SPHKAP: variants seen among roughly 807,000 people sequenced by gnomAD.
The protein encoded by SPHKAP is A-kinase anchor protein SPHKAP.
Under a neutral mutation model 137.5 loss-of-function variants are expected in SPHKAP, and 67 were observed. The observed-to-expected ratio is 0.49, with a 90% CI of 0.40 to 0.60. The LOEUF is 0.60. Among genes scored for constraint, SPHKAP ranks in the 20% least tolerant of loss-of-function variants. The pLI, the probability that SPHKAP is intolerant of heterozygous loss-of-function variation, is 0.00. For synonymous variants in SPHKAP, 813 were observed against 785.3 expected (o/e 1.04, Z -0.59); for missense variants, 2,097 against 2,069.3 (o/e 1.01, Z -0.26).
chr2:228,082,427 G>A (rs1697392338), intron 3 of SPHKAP, among the ~76,000 whole-genome samples: 1 of 146,564 alleles, frequency 6.8e-6, no homozygotes, highest in South Asian at 2.3e-4. Flanking sequence ...AAAGTACTTT[G>A]TAAACTAAAG....
At chr2:228,114,483 C>T (rs1244645086) in intron 2 of SPHKAP, among the ~76,000 whole-genome samples, 1 of 152,036 alleles carries the variant, frequency 6.6e-6, no homozygotes, top group African/African-American at 2.4e-5. Context: ...CCATTTCATC[C>T]TACTGAATGA....
intron 7 of SPHKAP, among the ~76,000 whole-genome samples, chr2:228,012,100 T>A (rs1485464006): frequency 7.3e-6 from 1 of 136,762 alleles, no homozygotes; most frequent in Non-Finnish European, 1.5e-5. Flanking sequence ...CCCTGGAGGT[T>A]GGGGCTGCGG....
chr2:228,132,126 C>G (rs1263911800), intron 1 of SPHKAP, 41 bp from the exon 2 acceptor site: 1 of 1,469,502 alleles, frequency 6.8e-7, no homozygotes, highest in Non-Finnish European at 9.5e-7. Context: ...TCCAGTGAGT[C>G]ATATCTATAT....
At chr2:228,008,385 C>T (rs1160877613) in intron 7 of SPHKAP, among the ~76,000 whole-genome samples, 1 of 151,796 alleles carries the variant, frequency 6.6e-6, no homozygotes, top group Admixed American at 6.6e-5. Flanking sequence ...CAAACTCTAC[C>T]TCTCAGGTTC....
intron 1 of SPHKAP, among the ~76,000 whole-genome samples, chr2:228,180,296 T>A (rs183051474): frequency 4.9e-4 from 75 of 152,240 alleles, no homozygotes; most frequent in African/African-American, 1.7e-3. Context: ...GAAAGCGTTA[T>A]TTCATCGCGG....
At chr2:228,154,837 T>G (rs1574902230) in intron 1 of SPHKAP, among the ~76,000 whole-genome samples, 1 of 150,442 alleles carries the variant, frequency 6.6e-6, no homozygotes, top group Non-Finnish European at 1.5e-5. Flanking sequence ...GGGATTACAG[T>G]CTTGAGCTAC....
chr2:228,044,608 G>T (rs1695965502), intron 3 of SPHKAP, among the ~76,000 whole-genome samples: 1 of 152,096 alleles, frequency 6.6e-6, no homozygotes, highest in East Asian at 1.9e-4. Flanking sequence ...TTAAATTCAA[G>T]CCTTTGAAAA....
Position 228,016,749 on chromosome 2 carries a change from C to T in SPHKAP, c.4105G>A (p.Asp1369Asn), listed in dbSNP as rs143055592. Reference sequence around the variant, plus strand: ...GTAACAGAGTCTTTCCTCGGGCAATCGAGAGACTCCTGAACAAGCAGAGTT... The same window carrying T: ...GTAACAGAGTCTTTCCTCGGGCAATTGAGAGACTCCTGAACAAGCAGAGTT... ...GPTLLVQESLDCPRKDSVTEC... is the reference protein window; with the variant it reads ...GPTLLVQESLNCPRKDSVTEC... The change falls in exon 7 of 12, where the codon GAT (aspartate) becomes AAT (asparagine). Residue 1369 changes from aspartate (D) to asparagine (N), a missense_variant. Coordinates refer to ENST00000392056, the MANE Select transcript of SPHKAP (RefSeq NM_001142644.2). The T allele has an allele frequency of 1.0e-4, 167 of 1,613,994 alleles. No homozygotes were observed. The African/African-American group carries it at 2.0e-3, about 19-fold the overall frequency.
chr2:228,122,954 G>T (rs942487378), intron 2 of SPHKAP, among the ~76,000 whole-genome samples: 4 of 152,108 alleles, frequency 2.6e-5, no homozygotes, highest in African/African-American at 4.8e-5. Context: ...AAACATCTTA[G>T]CCTAAGTAGT....
At chr2:228,089,526 A>G (rs552983583) in intron 3 of SPHKAP, among the ~76,000 whole-genome samples, 1 of 152,358 alleles carries the variant, frequency 6.6e-6, no homozygotes, top group East Asian at 1.9e-4. Context: ...ACCACCTGCT[A>G]AAGAGATTAG....
At chr2:228,065,995 C>T (rs1199944406) in intron 3 of SPHKAP, among the ~76,000 whole-genome samples, 1 of 152,106 alleles carries the variant, frequency 6.6e-6, no homozygotes, top group Non-Finnish European at 1.5e-5. Flanking sequence ...GTGAGAGAAG[C>T]TAAGGAGCAG....
At chr2:228,099,998 C>T (rs191910338) in intron 3 of SPHKAP, among the ~76,000 whole-genome samples, 6 of 152,162 alleles carry the variant, frequency 3.9e-5, no homozygotes, top group African/African-American at 9.6e-5. Flanking sequence ...TACAGGCGCC[C>T]GCCATCACGC....
chr2:228,116,688 G>A (rs35784272), intron 2 of SPHKAP, among the ~76,000 whole-genome samples: 16,527 of 152,140 alleles, frequency 0.11, 1,126 homozygotes, highest in East Asian at 0.18. Flanking sequence ...TGAGCCCAAA[G>A]TTTTATGGGC....
At chr2:228,089,627 G>A (rs918214833) in intron 3 of SPHKAP, among the ~76,000 whole-genome samples, 1 of 152,210 alleles carries the variant, frequency 6.6e-6, no homozygotes, top group African/African-American at 2.4e-5. Flanking sequence ...TCCCATCACA[G>A]GCCCAGAGGC....
intron 3 of SPHKAP, among the ~76,000 whole-genome samples, chr2:228,097,274 G>A (rs1698015887): frequency 6.6e-6 from 1 of 152,030 alleles, no homozygotes; most frequent in Admixed American, 6.6e-5. Flanking sequence ...TTGTCAAAAT[G>A]AATTAAAAAA....
intron 3 of SPHKAP, among the ~76,000 whole-genome samples, chr2:228,030,363 A>G (rs1450439270): frequency 6.6e-6 from 1 of 151,920 alleles, no homozygotes; most frequent in African/African-American, 2.4e-5. Flanking sequence ...AAAATACAAA[A>G]AACAGCCGGG....
At chr2:228,007,852 G>T (rs7586054) in intron 7 of SPHKAP, among the ~76,000 whole-genome samples, 110,444 of 151,842 alleles carry the variant, frequency 0.73, 40,728 homozygotes, top group African/African-American at 0.85. Flanking sequence ...AAACTGGATA[G>T]CCACATAGAG....
chr2:228,045,491 C>T (rs4571050), intron 3 of SPHKAP, among the ~76,000 whole-genome samples: 56,867 of 150,030 alleles, frequency 0.38, 11,435 homozygotes, highest in Non-Finnish European at 0.46. Flanking sequence ...AGCAAACTAT[C>T]GCAAGGACAA....
At chr2:228,011,659 A>C (rs1056669929) in intron 7 of SPHKAP, among the ~76,000 whole-genome samples, 3 of 152,320 alleles carry the variant, frequency 2.0e-5, no homozygotes, top group Admixed American at 1.3e-4. Context: ...AGACAGGGGT[A>C]CCAAACATCC....
Sources: allele counts gnomAD v4.1 joint callset (sites outside exome capture counted in the v4.1 genomes callset), GRCh38; gene constraint gnomAD v4.1.1; transcripts MANE v1.5; gene names NCBI Gene and HGNC (gene_info 2026-07-23, HGNC 2026-07-21).